SOS2: variants seen among roughly 807,000 people sequenced by gnomAD.
SOS2 encodes son of sevenless homolog 2.
In SOS2, 65 loss-of-function variants were observed where a neutral mutation model predicts 148.2. The observed-to-expected ratio is 0.44, with a 90% CI of 0.36 to 0.54. The LOEUF is 0.54. SOS2 is among the 20% of genes least tolerant of loss of function. The probability of loss-of-function intolerance (pLI) is 0.00; values close to 1 mark genes in which losing one functional copy is unlikely to be tolerated. For missense variants in SOS2, 1,341 were observed against 1,590.2 expected (o/e 0.84, Z 2.67); for synonymous variants, 539 against 537.1 (o/e 1.00, Z -0.05).
intron 2 of SOS2, 48 bp downstream of exon 2, chr14:50,204,236 T>C: frequency 8.4e-7 from 1 of 1,188,048 alleles, no homozygotes; most frequent in East Asian, 2.5e-5. Flanking sequence ...CAAAAATTAA[T>C]TCATACAGTG....
intron 19 of SOS2, 139 bp from the exon 20 acceptor site, chr14:50,130,901 A>T: frequency 1.6e-6 from 1 of 629,004 alleles, no homozygotes. Context: ...CTGCAATGAC[A>T]GCCTGTATCA....
rs768729855 is a variant in SOS2 at position 50,145,568 on chromosome 14, T to C, written c.2413A>G (p.Ser805Gly). ...TCTTTATCTTCTTTGGTCCACACAC[T>C]CCCTACAAGTTCAGACGGTTGAACT... is the stretch of plus-strand genomic sequence containing the variant. ...RKVQPSELVGSVWTKEDKEIN... is the reference protein window; with the variant it reads ...RKVQPSELVGGVWTKEDKEIN... The change falls in exon 15 of 23, where the codon AGT becomes GGT. Residue 805 changes from serine (S) to glycine (G), a missense_variant. Coordinates refer to ENST00000216373, the MANE Select transcript of SOS2 (RefSeq NM_006939.4). 4 of 1,607,270 alleles carry C rather than the reference T, an allele frequency of 2.5e-6. No individual in the cohort carries two copies. The highest frequency in any genetic ancestry group is 2.7e-5 in the African/African-American group (2 of 74,594).
intron 1 of SOS2, among the ~76,000 whole-genome samples, chr14:50,225,657 C>G (rs1305600832): frequency 1.3e-5 from 2 of 152,150 alleles, no homozygotes; most frequent in African/African-American, 4.8e-5. Context: ...AAATGACTCC[C>G]TCGAGTTCTA....
intron 14 of SOS2, among the ~76,000 whole-genome samples, chr14:50,146,276 A>G (rs1487496155): frequency 6.6e-6 from 1 of 152,230 alleles, no homozygotes; most frequent in Non-Finnish European, 1.5e-5. Flanking sequence ...ATCTCATAGT[A>G]CTGAAGAGAT....
At chr14:50,183,152 C>G (rs750987222) in intron 5 of SOS2, among the ~76,000 whole-genome samples, 1 of 152,126 alleles carries the variant, frequency 6.6e-6, no homozygotes, top group Non-Finnish European at 1.5e-5. Flanking sequence ...GATTCAAACA[C>G]AAGACAGAGA....
intron 5 of SOS2, among the ~76,000 whole-genome samples, chr14:50,186,653 A>G (rs1237358796): frequency 6.6e-6 from 1 of 152,014 alleles, no homozygotes; most frequent in Non-Finnish European, 1.5e-5. Flanking sequence ...TCTCCTTACA[A>G]GTAAAGTAGA....
chr14:50,214,868 T>C (rs2139832496), intron 1 of SOS2, among the ~76,000 whole-genome samples: 1 of 150,510 alleles, frequency 6.6e-6, no homozygotes, highest in Non-Finnish European at 1.5e-5. Context: ...CGGAGTCTTG[T>C]TCTGTCCCCC....
intron 20 of SOS2, 143 bp downstream of exon 20, chr14:50,130,358 T>C (rs1300310140): frequency 2.9e-6 from 2 of 691,402 alleles, no homozygotes; most frequent in African/African-American, 1.8e-5. Flanking sequence ...ACTTCTTGTA[T>C]TAATCATTAT....
At position 50,204,349 on chromosome 14, in the gene SOS2, C is replaced by T. The variant is rs775028449; in HGVS notation, c.148G>A (p.Glu50Lys). Reference protein sequence around the residue: ...ANEESLYYIEELIFQLLNKLC... With the variant: ...ANEESLYYIEKLIFQLLNKLC... ...TTATTAAGCAGCTGAAAAATCAGCT[C>T]TTCAATATAATAGAGAGACTCTTCA... is the stretch of plus-strand genomic sequence containing the variant. The change falls in exon 2 of 23, where the codon GAG becomes AAG. Residue 50 changes from glutamate to lysine, a missense_variant. Physicochemically the swap from Glu to Lys is moderately conservative, Grantham distance 56. Transcript: ENST00000216373. 3 of 1,589,276 alleles carry T rather than the reference C, an allele frequency of 1.9e-6. No homozygotes were observed. The highest frequency in any genetic ancestry group is 2.6e-6 in the Non-Finnish European group (3 of 1,159,128).
At chr14:50,211,266 T>C (rs1886860160) in intron 1 of SOS2, among the ~76,000 whole-genome samples, 1 of 152,188 alleles carries the variant, frequency 6.6e-6, no homozygotes, top group Admixed American at 6.5e-5. Context: ...GGGTTAAAAA[T>C]ATGTTATTAA....
intron 13 of SOS2, among the ~76,000 whole-genome samples, chr14:50,151,263 T>C (rs1002362401): frequency 6.6e-6 from 1 of 152,252 alleles, no homozygotes; most frequent in African/African-American, 2.4e-5. Flanking sequence ...TACTGCTTTA[T>C]TGCATATTTT....
rs772737547 is a variant in SOS2, at chr14:50,188,720, A to AG, written c.511-21_511-20insC. On this transcript the variant is annotated intron_variant, in intron 4 of 22. Transcript: ENST00000216373. ...CAAAACCTGAGAAACAGAAATCAAT[A>AG]ATGTATAAATTTATTTTCTTTACTT... 1 of 1,493,294 alleles carries AG rather than the reference A, an allele frequency of 6.7e-7. No homozygotes were observed. The highest frequency in any genetic ancestry group is 1.2e-5 in the South Asian group (1 of 82,534). 92.5% of individuals were successfully genotyped at this position (1,493,294 alleles called of 1,614,324 possible).
chr14:50,158,506 C>A (rs985176370), intron 11 of SOS2, 59 bp downstream of exon 11: 37 of 1,055,300 alleles, frequency 3.5e-5, no homozygotes, highest in Non-Finnish European at 4.4e-5. Context: ...AGGCACTTTA[C>A]AAAATACAGT....
At chr14:50,171,222 T>C (rs567734479) in intron 8 of SOS2, among the ~76,000 whole-genome samples, 119 of 151,944 alleles carry the variant, frequency 7.8e-4, no homozygotes, top group African/African-American at 2.8e-3. Flanking sequence ...GCCATTACTA[T>C]GAAAAACAGT....
At chr14:50,218,157 G>T in intron 1 of SOS2, among the ~76,000 whole-genome samples, 1 of 95,668 alleles carries the variant, frequency 1.0e-5, no homozygotes, top group South Asian at 3.4e-4. Context: ...AAAAAAGAAA[G>T]AAAGAAAAAG....
intron 12 of SOS2, chr14:50,155,759 T>A (rs1884792408): frequency 6.6e-6 from 1 of 152,086 alleles, no homozygotes; most frequent in South Asian, 2.1e-4. Flanking sequence ...TAGAAATACA[T>A]AAAGAGCTTA....
intron 1 of SOS2, among the ~76,000 whole-genome samples, chr14:50,209,274 CGTGTGT>C (rs140994310): frequency 0.09 from 10,682 of 118,258 alleles, 670 homozygotes; most frequent in African/African-American, 0.2. Flanking sequence ...CCTTAAATGT[CGTGTGT>C]GTGTGTGTGT....
chr14:50,208,331 T>C (rs187503547), intron 1 of SOS2, among the ~76,000 whole-genome samples: 40 of 151,842 alleles, frequency 2.6e-4, no homozygotes, highest in Admixed American at 5.3e-4. Flanking sequence ...TGTGAACTTC[T>C]TTCATTTGAT....
At chr14:50,189,007 T>C (rs894544685) in intron 4 of SOS2, among the ~76,000 whole-genome samples, 3 of 149,884 alleles carry the variant, frequency 2.0e-5, no homozygotes, top group African/African-American at 2.5e-5. Context: ...AAGGCTGCAG[T>C]TGAGTCATGA....
Sources: allele counts gnomAD v4.1 joint callset (sites outside exome capture counted in the v4.1 genomes callset), GRCh38; gene constraint gnomAD v4.1.1; transcripts MANE v1.5; gene names NCBI Gene and HGNC (gene_info 2026-07-23, HGNC 2026-07-21).